DIAPH1: variants seen among roughly 807,000 people sequenced by gnomAD.
DIAPH1 encodes protein diaphanous homolog 1.
In DIAPH1, 46 loss-of-function variants were observed where a neutral mutation model predicts 140.7. The observed-to-expected ratio is 0.33, with a 90% confidence interval of 0.26 to 0.42. The LOEUF is 0.42. Among genes scored for constraint, DIAPH1 ranks in the 10% least tolerant of loss-of-function variants. DIAPH1 has a pLI of 1.00. For synonymous variants in DIAPH1, 565 were observed against 551.6 expected, an observed-to-expected ratio of 1.02 and a Z score of -0.34; for missense variants, 1,310 against 1,558.7, an observed-to-expected ratio of 0.84 and a Z score of 2.69.
At chr5:141,517,563 T>C (rs1246425127) in intron 27 of DIAPH1, among the ~76,000 whole-genome samples, 1 of 151,796 alleles carries the variant, frequency 6.6e-6, no homozygotes, top group East Asian at 1.9e-4. Flanking sequence ...CACGTGTTCC[T>C]CCAACAACAG....
intron 18 of DIAPH1, among the ~76,000 whole-genome samples, chr5:141,549,331 C>T (rs377330207): frequency 9.9e-5 from 15 of 152,064 alleles, no homozygotes; most frequent in African/African-American, 3.6e-4. Context: ...AGGGTCAATC[C>T]TTGAGGAAAA....
At chr5:141,586,415 T>C (rs1258081494) in intron 3 of DIAPH1, among the ~76,000 whole-genome samples, 1 of 152,212 alleles carries the variant, frequency 6.6e-6, no homozygotes, top group East Asian at 1.9e-4. Context: ...ATCTATGCAA[T>C]ATACAGGTCT....
At position 141,570,371 on chromosome 5, in the gene DIAPH1, GA is replaced by G. The variant is rs1324529547; in HGVS notation, c.2482+1056del. On this transcript the variant is annotated intron_variant, in intron 18 of 27. Transcript: ENST00000389054. Reference sequence around the variant, plus strand: ...TACCATCCCAGTATTTTAATTAAGAGAGTGGAATTAATCCCTTAGGCTGGAC... The same window carrying G: ...TACCATCCCAGTATTTTAATTAAGAGGTGGAATTAATCCCTTAGGCTGGAC... Among the ~76,000 whole-genome samples the G allele has an allele frequency of 2.6e-5, 4 of 152,266 alleles. No homozygotes were observed. In the South Asian group the frequency reaches 6.2e-4, roughly 24 times the overall value.
chr5:141,582,210 A>C (rs2154596554), intron 7 of DIAPH1, 102 bp downstream of exon 7: 1 of 835,758 alleles, frequency 1.2e-6, no homozygotes, highest in South Asian at 1.3e-5. Context: ...GAAAGCTAGA[A>C]GTCCTGAACC....
chr5:141,561,323 G>A (rs1353295522), intron 18 of DIAPH1, among the ~76,000 whole-genome samples: 1 of 151,898 alleles, frequency 6.6e-6, no homozygotes, highest in East Asian at 1.9e-4. Context: ...TATATCACTG[G>A]GGTCCCTTGT....
chr5:141,601,495 G>A (rs567085659), intron 1 of DIAPH1, among the ~76,000 whole-genome samples: 42 of 151,894 alleles, frequency 2.8e-4, no homozygotes, highest in Non-Finnish European at 8.8e-5. Context: ...TCGCCATATT[G>A]GTCAGGCTGA....
At chr5:141,538,062 T>C (rs1445897320) in intron 18 of DIAPH1, among the ~76,000 whole-genome samples, 3 of 133,394 alleles carry the variant, frequency 2.2e-5, no homozygotes, top group Admixed American at 8.1e-5. Context: ...TGGCTGTTTT[T>C]TTGTTTTTTT....
Position 141,538,788 on chromosome 5 carries a change from G to A in DIAPH1, c.2483-4355C>T, listed in dbSNP as rs115063250. On this transcript the variant is annotated intron_variant, in intron 18 of 27. Transcript: ENST00000389054. The stretch of plus-strand genomic sequence containing the variant: ...GACACAGTTTCGCCACTTTGCCCAG[G>A]CTGGGCTGGGCTCAAGCAATCCACC... Among the ~76,000 whole-genome samples, 753 of 152,248 alleles carry A rather than the reference G, an allele frequency of 4.9e-3. 4 individuals carry two copies. Among genetic ancestry groups the A allele is most frequent in the African/African-American group, 0.017 (694 of 41,534 alleles).
chr5:141,575,214 C>G lies in DIAPH1; in HGVS notation c.1462-68G>C, dbSNP rs2099895773. 59 of 1,516,442 alleles carry G rather than the reference C, an allele frequency of 3.9e-5. No individual in the cohort carries two copies. In the South Asian group the frequency reaches 6.6e-4, roughly 17 times the overall value. 93.9% of individuals were successfully genotyped at this position (1,516,442 alleles called of 1,614,324 possible). On this transcript the variant is annotated intron_variant, in intron 14 of 27. Transcript: ENST00000389054. ...CAGTAAGAAGCACAAGTATTATTAC[C>G]CATAATTCTCCCTACCTCCTCTTTT...
chr5:141,585,719 G>A (rs1562332299), intron 3 of DIAPH1, among the ~76,000 whole-genome samples: 1 of 152,052 alleles, frequency 6.6e-6, no homozygotes, highest in Non-Finnish European at 1.5e-5. Flanking sequence ...AGAACTGCTC[G>A]AACCCAGAAG....
intron 1 of DIAPH1, among the ~76,000 whole-genome samples, chr5:141,607,244 A>G (rs2099901125): frequency 6.6e-6 from 1 of 152,126 alleles, no homozygotes; most frequent in African/African-American, 2.4e-5. Flanking sequence ...AAGAAACAAC[A>G]GGGCCCAAAG....
At chr5:141,608,982 T>C (rs115549269) in intron 1 of DIAPH1, among the ~76,000 whole-genome samples, 66 of 152,242 alleles carry the variant, frequency 4.3e-4, no homozygotes, top group African/African-American at 1.6e-3. Flanking sequence ...GGTGATGATG[T>C]TAGAGCTGTT....
intron 18 of DIAPH1, among the ~76,000 whole-genome samples, chr5:141,537,182 T>A (rs558125423): frequency 1.3e-5 from 2 of 150,820 alleles, no homozygotes; most frequent in African/African-American, 2.4e-5. Flanking sequence ...AAAACGAAAA[T>A]CATATAAAAA....
intron 18 of DIAPH1, among the ~76,000 whole-genome samples, chr5:141,556,286 G>A (rs1055628995): frequency 2.6e-5 from 4 of 151,966 alleles, no homozygotes; most frequent in South Asian, 2.1e-4. Flanking sequence ...GTCTTACCAG[G>A]GAGAAAGCTG....
At chr5:141,559,675 T>C (rs1028358849) in intron 18 of DIAPH1, among the ~76,000 whole-genome samples, 8 of 152,084 alleles carry the variant, frequency 5.3e-5, no homozygotes, top group African/African-American at 1.4e-4. Context: ...GGATGGTGAC[T>C]CAATTAGGGA....
At chr5:141,576,424 AG>A (rs2099895975) in intron 13 of DIAPH1, 130 bp from the exon 14 acceptor site, 1 of 828,018 alleles carries the variant, frequency 1.2e-6, no homozygotes, top group South Asian at 1.5e-5. Context: ...CACTAGACAA[AG>A]AAATGGAACT....
rs78658438 is a variant in DIAPH1 at position 141,576,468 on chromosome 5, C to T, written c.1397-174G>A. On this transcript the variant is annotated intron_variant, in intron 13 of 27. Coordinates refer to ENST00000389054, the MANE Select transcript of DIAPH1 (RefSeq NM_005219.5). ...AAGTTCAACATGTAATCTGAGTGTGCGGTAAGGCCACCATGCTGGGTGGCA... is the reference window on the plus strand; with the variant it reads ...AAGTTCAACATGTAATCTGAGTGTGTGGTAAGGCCACCATGCTGGGTGGCA... Among the ~76,000 whole-genome samples the T allele has an allele frequency of 0.011, 1,650 of 152,218 alleles. 41 individuals carry two copies. The highest frequency in any genetic ancestry group is 0.038 in the African/African-American group (1,580 of 41,526).
At chr5:141,539,676 T>C (rs1459478429) in intron 18 of DIAPH1, among the ~76,000 whole-genome samples, 2 of 152,144 alleles carry the variant, frequency 1.3e-5, no homozygotes, top group African/African-American at 4.8e-5. Context: ...TGTATATTTC[T>C]GGGAACTTGC....
Position 141,574,960 on chromosome 5 carries a change from G to A in DIAPH1, c.1641+7C>T, listed in dbSNP as rs1284880934. ...AGGTCATTCTGCCTTCCCTGCTCAG[G>A]CATTACCTCTCCTGTGAGCTGGGAC... On this transcript the variant is annotated splice_region_variant and intron_variant, in intron 15 of 27. Transcript: ENST00000389054. 6.2e-7 allele frequency: 1 copy of A among 1,614,054 alleles called. No individual in the cohort carries two copies. The highest frequency in any genetic ancestry group is 8.5e-7 in the Non-Finnish European group (1 of 1,179,986).
Sources: allele counts gnomAD v4.1 joint callset (sites outside exome capture counted in the v4.1 genomes callset), GRCh38; gene constraint gnomAD v4.1.1; transcripts MANE v1.5; gene names NCBI Gene and HGNC (gene_info 2026-07-23, HGNC 2026-07-21).